The following MGST1 variants were observed in gnomAD, a reference collection of about 807,000 sequenced individuals.
The protein encoded by MGST1 is glutathione S-transferase 12.
MGST1 carries 5 observed loss-of-function variants against 8.9 expected under a neutral mutation model. The observed-to-expected ratio is 0.56, with a 90% confidence interval of 0.29 to 1.19. The LOEUF (loss-of-function observed/expected upper bound fraction) is 1.19, where lower values mean the gene tolerates loss of function less well. Ranked by LOEUF, MGST1 falls within the 50% of genes most tolerant of loss-of-function variation. MGST1 has a pLI of 0.08. For missense variants in MGST1, 182 were observed against 187.4 expected, an observed-to-expected ratio of 0.97 and a Z score of 0.17; for synonymous variants, 54 against 67.8, an observed-to-expected ratio of 0.80 and a Z score of 1.00.
rs970132269 is a variant in MGST1, at chr12:16,513,576, G to T, written n.483-75952G>T. 2.0e-6 allele frequency: 1 copy of T among 492,482 alleles called. No individual in the cohort carries two copies. Among genetic ancestry groups the T allele is most frequent in the Non-Finnish European group, 4.1e-6 (1 of 241,212 alleles). The allele number at this position is 492,482 out of a possible 1,614,324, so 30.5% of individuals were successfully genotyped here. A position where few individuals can be genotyped will look rare whatever the true frequency, so the allele number is the denominator to read the frequency against. On this transcript the variant is annotated intron_variant and non_coding_transcript_variant, in intron 4 of 4. Coordinates refer to the MGST1 transcript ENST00000538857. This position sits in a 1 kb window ranked among gnomAD's most constrained non-coding sequence, Gnocchi z 4.2. ...ACACCAATAGCAAAAAGATGAATCTGGGAGTTAGTGCCTACAGGGACCACA... is the reference window on the plus strand; with the variant it reads ...ACACCAATAGCAAAAAGATGAATCTTGGAGTTAGTGCCTACAGGGACCACA...
Position 16,544,884 on chromosome 12 carries a change from T to C in MGST1, n.483-44644T>C, listed in dbSNP as rs1941814470. ...TGTGCACTGGCTGAAGTTTGCATCA[T>C]TTTGGACAGCATAGCTAGTTCTTGT... On this transcript the variant is annotated intron_variant and non_coding_transcript_variant, in intron 4 of 4. Coordinates refer to the MGST1 transcript ENST00000538857. This position sits in a 1 kb window ranked among gnomAD's most constrained non-coding sequence, Gnocchi z 4.8. 6.6e-6 allele frequency among the ~76,000 whole-genome samples: 1 copy of C among 152,084 alleles called. No homozygotes were observed. Among genetic ancestry groups the C allele is most frequent in the African/African-American group, 2.4e-5 (1 of 41,452 alleles).
intron 3 of MGST1, among the ~76,000 whole-genome samples, chr12:16,372,893 GTATAT>G (rs972824335): frequency 2.9e-5 from 4 of 136,282 alleles, no homozygotes; most frequent in South Asian, 2.3e-4. Flanking sequence ...ATATTATGTA[GTATAT>G]TATATATTAC....
chr12:16,572,429 TAA>T, intron 4 of MGST1, among the ~76,000 whole-genome samples: 1 of 142,068 alleles, frequency 7.0e-6, no homozygotes, highest in South Asian at 2.3e-4. Flanking sequence ...TCTTCTTTAT[TAA>T]AAAAAAAACA....
At chr12:16,474,951 CAG>C (rs576780241) in intron 4 of MGST1, among the ~76,000 whole-genome samples, 1 of 152,130 alleles carries the variant, frequency 6.6e-6, no homozygotes, top group African/African-American at 2.4e-5. Flanking sequence ...ATATACCACT[CAG>C]AGAGAGCACT....
intron 4 of MGST1, among the ~76,000 whole-genome samples, chr12:16,496,639 C>T (rs959529968): frequency 6.6e-6 from 1 of 152,034 alleles, no homozygotes; most frequent in African/African-American, 2.4e-5. Context: ...TCTCCCTCTC[C>T]CTTCTAGTAG....
intron 4 of MGST1, among the ~76,000 whole-genome samples, chr12:16,564,578 C>G (rs1942524433): frequency 6.6e-6 from 1 of 152,088 alleles, no homozygotes. Flanking sequence ...TTTCACAGCA[C>G]CAGATGTTTC....
At chr12:16,426,777 C>T (rs1274863872) in intron 1 of MGST1, among the ~76,000 whole-genome samples, 2 of 151,910 alleles carry the variant, frequency 1.3e-5, no homozygotes, top group Non-Finnish European at 2.9e-5. Flanking sequence ...CAGTGAAACC[C>T]CATCTCTACT....
intron 4 of MGST1, among the ~76,000 whole-genome samples, chr12:16,462,512 T>C (rs1356895237): frequency 1.3e-5 from 2 of 150,982 alleles, no homozygotes; most frequent in Non-Finnish European, 2.9e-5. Flanking sequence ...AATGTATAAA[T>C]GCATTAATAT....
intron 4 of MGST1, among the ~76,000 whole-genome samples, chr12:16,448,209 T>A (rs1941097802): frequency 6.6e-6 from 1 of 151,944 alleles, no homozygotes; most frequent in Admixed American, 6.6e-5. Flanking sequence ...TATTTAAACA[T>A]TATTGTCCTT....
At chr12:16,360,243 TCTTCC>T (rs1016664729) in intron 3 of MGST1, 2 of 627,824 alleles carry the variant, frequency 3.2e-6, no homozygotes, top group Non-Finnish European at 3.9e-6. Flanking sequence ...GTTTCCAGCA[TCTTCC>T]CTTTCCATTT....
downstream of MGST1, among the ~76,000 whole-genome samples, chr12:16,365,034 A>T (rs887050222): frequency 1.3e-5 from 2 of 152,182 alleles, no homozygotes; most frequent in Admixed American, 6.5e-5. Context: ...ATCAACAGGC[A>T]TATGATATCA....
intron 1 of MGST1, among the ~76,000 whole-genome samples, chr12:16,386,390 A>G (rs183855595): frequency 1.3e-5 from 2 of 152,300 alleles, no homozygotes; most frequent in Admixed American, 1.3e-4. Flanking sequence ...TAGCCCTAGC[A>G]CATGGATTTA....
At chr12:16,567,123 G>A (rs1191388726) in intron 4 of MGST1, among the ~76,000 whole-genome samples, 1 of 152,132 alleles carries the variant, frequency 6.6e-6, no homozygotes, top group Non-Finnish European at 1.5e-5. Context: ...TTGAACCTGC[G>A]AGGCGGAGGT....
intron 1 of MGST1, among the ~76,000 whole-genome samples, chr12:16,383,897 C>A (rs576162654): frequency 2.6e-5 from 4 of 152,268 alleles, no homozygotes; most frequent in African/African-American, 9.6e-5. Flanking sequence ...ATGGCATAAT[C>A]TCTTTCTTAA....
intron 4 of MGST1, among the ~76,000 whole-genome samples, chr12:16,572,615 G>A (rs748980886): frequency 1.9e-4 from 28 of 148,566 alleles, no homozygotes; most frequent in East Asian, 5.9e-4. Flanking sequence ...TAATATCCAC[G>A]TATATCCAAC....
In MGST1 at chr12:16,560,810, A is replaced by G. The variant is rs1942374764; in HGVS notation, n.483-28718A>G. 6.5e-6 allele frequency: 3 copies of G among 463,888 alleles called. No individual in the cohort carries two copies. The highest frequency in any genetic ancestry group is 1.2e-5 in the Non-Finnish European group (3 of 247,388). The allele number at this position is 463,888 out of a possible 1,614,324, so 28.7% of individuals were successfully genotyped here. On this transcript the variant is annotated intron_variant and non_coding_transcript_variant, in intron 4 of 4. Coordinates refer to the MGST1 transcript ENST00000538857. The surrounding 1 kb of genome is among the most constrained non-coding windows in gnomAD (Gnocchi z 5.0). ...CGTAACTGCACATAAACAGAAGTCA[A>G]TGGGGGTGAATTCATAGCAAAAATC... is the stretch of plus-strand genomic sequence containing the variant.
chr12:16,521,514 A>G (rs1941648188), intron 4 of MGST1, among the ~76,000 whole-genome samples: 1 of 152,134 alleles, frequency 6.6e-6, no homozygotes. Context: ...TAAGGCAGTA[A>G]AGAGTTTAAT....
At chr12:16,472,719 T>G (rs1232703921) in intron 4 of MGST1, among the ~76,000 whole-genome samples, 1 of 152,182 alleles carries the variant, frequency 6.6e-6, no homozygotes, top group African/African-American at 2.4e-5. Context: ...CTAAAAATAT[T>G]CAAATTGGGA....
In MGST1 at chr12:16,362,380, G is replaced by GTTGTGGCTCACA. The variant is rs4149218; in HGVS notation, c.222-1414_222-1413insTGTGGCTCACAT. ...GCTGCTGTCCTCTTCATGTCTCTAT[G>GTTGTGGCTCACA]TAGTCATCCTCTTTGTGAGACAAGC... On this transcript the variant is annotated intron_variant, in intron 3 of 3. Transcript: ENST00000396210. This position sits in a 1 kb window ranked among gnomAD's most constrained non-coding sequence, Gnocchi z 4.4. Among the ~76,000 whole-genome samples the GTTGTGGCTCACA allele has an allele frequency of 2.0e-5, 3 of 151,734 alleles. No homozygotes were observed. In the East Asian group the frequency reaches 5.9e-4, roughly 30 times the overall value.
Sources: gnomAD v4.1 joint callset for allele counts (sites outside exome capture counted in the v4.1 genomes callset) on GRCh38, gnomAD v4.1.1 for gene constraint, Gnocchi (gnomAD v3.1) non-coding constraint, MANE v1.5 for transcripts, NCBI Gene and HGNC (gene_info 2026-07-23, HGNC 2026-07-21) for gene names.